The following SEL1L variants were observed in gnomAD, a reference collection of about 807,000 sequenced individuals.
SEL1L encodes protein sel-1 homolog 1.
A neutral mutation model predicts 109.8 loss-of-function variants in SEL1L; 52 were observed. The observed-to-expected ratio is 0.47, with a 90% CI of 0.38 to 0.60. SEL1L has a LOEUF of 0.60. Ranked by LOEUF, SEL1L falls within the 20% of genes least tolerant of loss-of-function variation. SEL1L has a pLI of 0.00. For synonymous variants in SEL1L, 373 were observed against 339.6 expected, an observed-to-expected ratio of 1.10 and a Z score of -1.08; for missense variants, 749 against 962.2, an observed-to-expected ratio of 0.78 and a Z score of 2.93.
intron 10 of SEL1L, among the ~76,000 whole-genome samples, chr14:81,497,650 C>T (rs915804808): frequency 1.3e-5 from 2 of 152,094 alleles, no homozygotes; most frequent in South Asian, 4.1e-4. Flanking sequence ...GGAGAGTCAC[C>T]TGGACAGTTT....
At chr14:81,533,558 T>C in intron 1 of SEL1L, 117 bp downstream of exon 1, 1 of 928,878 alleles carries the variant, frequency 1.1e-6, no homozygotes, top group Non-Finnish European at 1.7e-6. Flanking sequence ...GACAGCCCAG[T>C]GCGAGATGTG....
chr14:81,477,971 T>G (rs1429578488), intron 20 of SEL1L, among the ~76,000 whole-genome samples: 2 of 152,202 alleles, frequency 1.3e-5, no homozygotes, highest in Non-Finnish European at 2.9e-5. Context: ...TAGCAGGAAT[T>G]CAAACATTTA....
At chr14:81,482,368 T>C (rs1478966544) in intron 19 of SEL1L, among the ~76,000 whole-genome samples, 1 of 152,214 alleles carries the variant, frequency 6.6e-6, no homozygotes, top group Non-Finnish European at 1.5e-5. Flanking sequence ...TTAGTCATGT[T>C]AAACTTCACT....
chr14:81,485,451 G>GTT lies in SEL1L; in HGVS notation c.1873+219_1873+220dup, dbSNP rs370288974. The stretch of plus-strand genomic sequence containing the variant: ...CCACCATGCCCAGCTAATTTTTTTT[G>GTT]TTTTTTTTTTTTTTAGTAGAGACAG... On this transcript the variant is annotated intron_variant, in intron 18 of 20. Coordinates refer to ENST00000336735, the MANE Select transcript of SEL1L (RefSeq NM_005065.6). Among the ~76,000 whole-genome samples, 137 of 138,798 alleles carry GTT rather than the reference G, an allele frequency of 9.9e-4. 2 individuals carry two copies. In the South Asian group the frequency reaches 0.013, roughly 14 times the overall value. The allele number at this position is 138,798 out of a possible 152,430, so 91.1% of individuals were successfully genotyped here.
intron 10 of SEL1L, among the ~76,000 whole-genome samples, chr14:81,496,156 T>C (rs986900920): frequency 6.6e-6 from 1 of 151,788 alleles, no homozygotes; most frequent in East Asian, 1.9e-4. Flanking sequence ...ACCCTGTCTC[T>C]ACTAAAAATA....
rs183669486 is a variant in SEL1L at position 81,511,640 on chromosome 14, T to C, written c.341-5399A>G. Among the ~76,000 whole-genome samples the C allele has an allele frequency of 2.2e-3, 330 of 152,378 alleles. 2 individuals are homozygous for C. The Middle Eastern group carries it at 0.037, about 17-fold the overall frequency. ...CCTGTTGCAGGCAACTGCCTATTCT[T>C]CTATCTTCTGTTTAATATGATTGCT... is the stretch of plus-strand genomic sequence containing the variant. On this transcript the variant is annotated intron_variant, in intron 3 of 20. Coordinates refer to ENST00000336735, the MANE Select transcript of SEL1L (RefSeq NM_005065.6).
chr14:81,477,115 T>C lies in SEL1L; in HGVS notation c.2242A>G (p.Met748Val). ...LLGPEWDLYL[M>V]TIIALLLGTV... ...CCCAACAGCAGCGCAATGATGGTCA[T>C]GAGGTAAAGGTCCCACTCAGGTCCC... Residue 748 changes from methionine to valine, a missense_variant, in exon 21 of 21, where the codon ATG becomes GTG. Met to Val is a conservative substitution (Grantham distance 21). Coordinates refer to ENST00000336735, the MANE Select transcript of SEL1L (RefSeq NM_005065.6). The C allele has an allele frequency of 1.9e-6, 3 of 1,614,148 alleles. No individual in the cohort carries two copies. The highest frequency in any genetic ancestry group is 1.7e-6 in the Non-Finnish European group (2 of 1,180,032).
rs114884541 is a variant in SEL1L at position 81,502,080 on chromosome 14, G to A, written c.777+641C>T. ...AAACAGGTATAAAGAAAATTTTTGG[G>A]TTCAACATCATATGAACATAGTGTG... On this transcript the variant is annotated intron_variant, in intron 6 of 20. Transcript: ENST00000336735. 5.1e-3 allele frequency among the ~76,000 whole-genome samples: 773 copies of A among 151,940 alleles called. 1 individual carries two copies. Among genetic ancestry groups the A allele is most frequent in the African/African-American group, 0.018 (735 of 41,426 alleles).
Position 81,487,488 on chromosome 14 carries a change from A to G in SEL1L, c.1534T>C (p.Leu512=). 1 of 1,608,158 alleles carries G rather than the reference A, an allele frequency of 6.2e-7. No individual in the cohort carries two copies. Among genetic ancestry groups the G allele is most frequent in the Non-Finnish European group, 8.5e-7 (1 of 1,178,844 alleles). The change falls in exon 16 of 21, where the codon TTA becomes CTA. Residue 512 remains leucine (L), a synonymous_variant. Coordinates refer to ENST00000336735, the MANE Select transcript of SEL1L (RefSeq NM_005065.6). The part of the protein sequence containing the change: ...DYKQALKYFN[L]ASQGGHILAF... Reference sequence around the variant, plus strand: ...AAGATATGGCCTCCCTGAGAAGCTAAATTAAAATACTTCAAGGCCTGTTTA... The same window carrying G: ...AAGATATGGCCTCCCTGAGAAGCTAGATTAAAATACTTCAAGGCCTGTTTA...
chr14:81,517,385 C>A lies in SEL1L; in HGVS notation c.340+9348G>T, dbSNP rs1274041630. On this transcript the variant is annotated intron_variant, in intron 3 of 20. Transcript: ENST00000336735. ...AGGATGGGCCAAACCAAAAACGTTA[C>A]AAGTTTGAACTGCTCTCTTTAAAAA... Among the ~76,000 whole-genome samples the A allele has an allele frequency of 2.0e-5, 3 of 152,294 alleles. No individual in the cohort carries two copies. In the East Asian group the frequency reaches 5.8e-4, roughly 29 times the overall value.
intron 3 of SEL1L, among the ~76,000 whole-genome samples, chr14:81,525,429 A>C (rs1885074910): frequency 6.6e-6 from 1 of 151,630 alleles, no homozygotes; most frequent in Admixed American, 6.6e-5. Context: ...CTAAAAAAAA[A>C]AAAAAAAAAT....
At chr14:81,485,549 CCGAAAGTGCTAGGGTTACAGGCGTGAG>C (rs2139991373) in intron 18 of SEL1L, 96 bp downstream of exon 18, 1 of 790,366 alleles carries the variant, frequency 1.3e-6, no homozygotes, top group South Asian at 1.8e-5. Context: ...GCCTTGGCTT[CCGAAAGTGCTAGGGTTACAGGCGTGAG>C]CCACAGTACT....
intron 12 of SEL1L, 87 bp from the exon 13 acceptor site, chr14:81,490,552 C>T (rs1883502061): frequency 2.0e-6 from 2 of 1,022,536 alleles, no homozygotes; most frequent in African/African-American, 3.2e-5. Flanking sequence ...TGAGTTTTGT[C>T]AGATCTCATT....
intron 1 of SEL1L, among the ~76,000 whole-genome samples, chr14:81,528,211 T>G (rs910356815): frequency 6.6e-6 from 1 of 152,190 alleles, no homozygotes; most frequent in Non-Finnish European, 1.5e-5. Context: ...TTTACTACTA[T>G]AGTAAGGATG....
rs769597985 is a variant in SEL1L at position 81,504,269 on chromosome 14, T to C, written c.546A>G (p.Glu182=). 7 of 1,600,600 alleles carry C rather than the reference T, an allele frequency of 4.4e-6. No individual in the cohort carries two copies. The South Asian group carries it at 6.7e-5, about 15-fold the overall frequency. The change falls in exon 5 of 21, where the codon GAA becomes GAG. Residue 182 remains glutamate (E), a synonymous_variant. Transcript: ENST00000336735. ...EEAAKRRQMQ[E]AEMMYQTGMK... ...TTCCAGTTTGATACATCATTTCTGC[T>C]TCCTGCATCTGCCGTCTCTTAGCAG...
intron 14 of SEL1L, 109 bp from the exon 15 acceptor site, chr14:81,488,051 A>C: frequency 2.5e-6 from 2 of 809,068 alleles, no homozygotes. Flanking sequence ...ATATTCCCAA[A>C]GAGCCATTAA....
At chr14:81,508,665 T>C (rs10132734) in intron 3 of SEL1L, among the ~76,000 whole-genome samples, 3,820 of 152,208 alleles carry the variant, frequency 0.025, 151 homozygotes, top group African/African-American at 0.087. Context: ...GGAGGATCAC[T>C]TGAACCTGGG....
At chr14:81,500,844 A>T (rs1883974910) in intron 6 of SEL1L, among the ~76,000 whole-genome samples, 1 of 152,180 alleles carries the variant, frequency 6.6e-6, no homozygotes, top group Non-Finnish European at 1.5e-5. Context: ...ATTTTCTAAA[A>T]ATAAAAACAC....
chr14:81,526,523 T>G (rs1486450375), intron 3 of SEL1L, among the ~76,000 whole-genome samples: 1 of 152,262 alleles, frequency 6.6e-6, no homozygotes, highest in Non-Finnish European at 1.5e-5. Flanking sequence ...ATCTCATCTA[T>G]TGAATTCAGC....
Sources: allele counts gnomAD v4.1 joint callset (sites outside exome capture counted in the v4.1 genomes callset), GRCh38; gene constraint gnomAD v4.1.1; transcripts MANE v1.5; gene names NCBI Gene and HGNC (gene_info 2026-07-23, HGNC 2026-07-21).